Variants in TOGARAM1 observed in about 807,000 individuals in gnomAD.
The protein encoded by TOGARAM1 is TOG array regulator of axonemal microtubules 1.
In TOGARAM1, 100 loss-of-function variants were observed where a neutral mutation model predicts 166.6. The observed-to-expected ratio is 0.60, with a 90% CI of 0.51 to 0.71. TOGARAM1 has a LOEUF of 0.71. TOGARAM1 is among the 30% of genes least tolerant of loss of function. The pLI is 0.00. For synonymous variants in TOGARAM1, 758 were observed against 763.8 expected (o/e 0.99, Z 0.13); for missense variants, 2,029 against 2,102.7 (o/e 0.96, Z 0.69).
At chr14:45,003,811 G>GCATGTATGTATGTATATGTATAC (rs1555345506) in intron 3 of TOGARAM1, among the ~76,000 whole-genome samples, 12 of 151,968 alleles carry the variant, frequency 7.9e-5, no homozygotes, top group South Asian at 2.1e-4. Context: ...GTATGTAATT[G>GCATGTATGTATGTATATGTATAC]ATAAAATTAC....
chr14:45,044,826 A>C lies in TOGARAM1; in HGVS notation c.4110A>C (p.Val1370=). Residue 1370 remains valine (V), a synonymous_variant, in exon 13 of 20, where the codon GTA becomes GTC. Transcript: ENST00000361462. Reference sequence around the variant, plus strand: ...CATTGAGAGCTATGGTTAATAATGTAACTCCTGCACGTGCAGTTGTTTCTC... The same window carrying C: ...CATTGAGAGCTATGGTTAATAATGTCACTCCTGCACGTGCAGTTGTTTCTC... ...DKALRAMVNN[V]TPARAVVSLI... The C allele has an allele frequency of 6.2e-7, 1 of 1,614,042 alleles. No homozygotes were observed. The highest frequency in any genetic ancestry group is 8.5e-7 in the Non-Finnish European group (1 of 1,179,964).
intron 1 of TOGARAM1, among the ~76,000 whole-genome samples, chr14:44,969,314 G>A (rs1201545904): frequency 1.5e-4 from 22 of 151,692 alleles, no homozygotes; most frequent in Admixed American, 1.4e-3. Flanking sequence ...ATCATGCCCG[G>A]CTAATTTTTT....
intron 15 of TOGARAM1, among the ~76,000 whole-genome samples, 158 bp from the exon 16 acceptor site, chr14:45,054,273 G>A (rs1020160480): frequency 2.0e-5 from 3 of 152,050 alleles, no homozygotes; most frequent in Non-Finnish European, 2.9e-5. Flanking sequence ...TAACTACAAG[G>A]TGTTTTATGT....
intron 1 of TOGARAM1, among the ~76,000 whole-genome samples, chr14:44,980,813 T>C (rs1222719560): frequency 6.6e-6 from 1 of 152,220 alleles, no homozygotes. Flanking sequence ...TGGAGGGTTT[T>C]TGTTTGTTTC....
At chr14:45,073,088 A>G (rs200278000) in intron 19 of TOGARAM1, among the ~76,000 whole-genome samples, 1 of 152,170 alleles carries the variant, frequency 6.6e-6, no homozygotes, top group East Asian at 1.9e-4. Context: ...TGCATGAACT[A>G]ATTGTTCTAT....
chr14:44,965,658 G>T (rs1303187088), intron 1 of TOGARAM1, among the ~76,000 whole-genome samples: 2 of 152,090 alleles, frequency 1.3e-5, no homozygotes, highest in Non-Finnish European at 2.9e-5. Flanking sequence ...CCCATCACTG[G>T]TGATGCTTAA....
At chr14:44,967,066 G>A (rs1211477794) in intron 1 of TOGARAM1, among the ~76,000 whole-genome samples, 1 of 151,682 alleles carries the variant, frequency 6.6e-6, no homozygotes, top group African/African-American at 2.4e-5. Flanking sequence ...TCCTAGTACT[G>A]CCTTTTTATT....
At chr14:44,991,563 T>A (rs1419460971) in intron 1 of TOGARAM1, among the ~76,000 whole-genome samples, 1 of 152,196 alleles carries the variant, frequency 6.6e-6, no homozygotes. Flanking sequence ...TACACAAAGA[T>A]ATGTGTGTAA....
rs1325567069 is a variant in TOGARAM1 at position 44,962,458 on chromosome 14, C to T, written c.37C>T (p.Pro13Ser). 1 of 1,588,018 alleles carries T rather than the reference C, an allele frequency of 6.3e-7. No individual in the cohort carries two copies. Among genetic ancestry groups the T allele is most frequent in the African/African-American group, 1.3e-5 (1 of 74,308 alleles). Reference protein sequence around the residue: ...AAPSALLLLPPFPVLSTYRLQ... With the variant: ...AAPSALLLLPSFPVLSTYRLQ... ...CCCCTCCGCGCTGCTTCTGCTGCCG[C>T]CCTTTCCAGTCCTCTCTACCTATCG... The change falls in exon 1 of 20, where the codon CCC becomes TCC. Residue 13 changes from proline (P) to serine (S), a missense_variant. Pro to Ser is a moderately conservative substitution (Grantham distance 74, BLOSUM62 -1). Around this residue, in one of 2 missense-constraint regions of TOGARAM1, gnomAD observed 1,453 missense variants for 1,432.2 expected, o/e 1.01. Transcript: ENST00000361462.
At position 45,073,446 on chromosome 14, in the gene TOGARAM1, A is replaced by C; in HGVS notation, c.5207A>C (p.Lys1736Thr). ...NIRTATAKLS[K>T]ALFAQMGQNL... ...CGAACAGCCACAGCTAAATTATCAAAAGCACTCTTTGCACAGATGGGTCAG... is the reference window on the plus strand; with the variant it reads ...CGAACAGCCACAGCTAAATTATCAACAGCACTCTTTGCACAGATGGGTCAG... Residue 1736 changes from lysine (K) to threonine (T), a missense_variant, in exon 20 of 20, where the codon AAA becomes ACA. Around this residue, in one of 2 missense-constraint regions of TOGARAM1, gnomAD observed 576 missense variants for 670.5 expected, o/e 0.86. Transcript: ENST00000361462. 2 of 1,614,156 alleles carry C rather than the reference A, an allele frequency of 1.2e-6. No individual in the cohort carries two copies. The highest frequency in any genetic ancestry group is 1.7e-6 in the Non-Finnish European group (2 of 1,180,028).
At chr14:45,005,674 T>C (rs1254641315) in intron 4 of TOGARAM1, among the ~76,000 whole-genome samples, 1 of 152,166 alleles carries the variant, frequency 6.6e-6, no homozygotes, top group Non-Finnish European at 1.5e-5. Context: ...GCGTCCCTCA[T>C]GATTTTCTTT....
In TOGARAM1 at chr14:45,021,295, C is replaced by A. The variant is rs184144873; in HGVS notation, c.3239-4488C>A. On this transcript the variant is annotated intron_variant, in intron 7 of 19. Transcript: ENST00000361462. ...TGGCAGAGTTACAGCAGTTGCGGGG[C>A]ATATGGGTATGGGGCAGTGAAGGTG... Among the ~76,000 whole-genome samples the A allele has an allele frequency of 1.2e-3, 176 of 151,898 alleles. 1 individual carries two copies. Among genetic ancestry groups the A allele is most frequent in the African/African-American group, 4.1e-3 (168 of 41,380 alleles).
intron 2 of TOGARAM1, among the ~76,000 whole-genome samples, chr14:44,998,742 G>T (rs1462628006): frequency 1.3e-5 from 2 of 152,094 alleles, no homozygotes; most frequent in Non-Finnish European, 2.9e-5. Context: ...AACTACAAAG[G>T]ATGGGCTCAT....
chr14:45,068,770 A>C (rs1226752345), intron 18 of TOGARAM1, 127 bp downstream of exon 18: 1 of 609,724 alleles, frequency 1.6e-6, no homozygotes, highest in African/African-American at 1.9e-5. Context: ...TATTATCATA[A>C]AACTTTCTAT....
At chr14:45,066,868 G>A in intron 17 of TOGARAM1, 101 bp downstream of exon 17, 2 of 950,398 alleles carry the variant, frequency 2.1e-6, no homozygotes, top group Non-Finnish European at 3.0e-6. Context: ...TTGAGGCTAG[G>A]AGTTCAAAGT....
rs748240401 is a variant in TOGARAM1 at position 45,073,311 on chromosome 14, T to G, written c.5072T>G (p.Leu1691Arg). The G allele has an allele frequency of 1.9e-6, 3 of 1,612,552 alleles. No homozygotes were observed. The South Asian group carries it at 3.3e-5, about 18-fold the overall frequency. Reference sequence around the variant, plus strand: ...TATGTTTCAGATATTGTTACGGAACTTTATCAAAGGAAGCCGCATGCCACA... The same window carrying G: ...TATGTTTCAGATATTGTTACGGAACGTTATCAAAGGAAGCCGCATGCCACA... ...TEKLADIVTE[L>R]YQRKPHATEQ... Residue 1691 changes from leucine (L) to arginine (R), a missense_variant, in exon 20 of 20, where the codon CTT (leucine) becomes CGT (arginine). Leu to Arg is a moderately radical substitution (Grantham distance 102, BLOSUM62 -2). This residue lies in a region of TOGARAM1 where 576 missense variants were observed against 670.5 expected (regional missense o/e 0.86). Transcript: ENST00000361462.
At position 45,066,567 on chromosome 14, in the gene TOGARAM1, T is replaced by G; in HGVS notation, c.4560-11T>G. 1 of 1,577,248 alleles carries G rather than the reference T, an allele frequency of 6.3e-7. No individual in the cohort carries two copies. The highest frequency in any genetic ancestry group is 1.4e-5 in the African/African-American group (1 of 73,742). On this transcript the variant is annotated splice_polypyrimidine_tract_variant and intron_variant, in intron 16 of 19. Transcript: ENST00000361462. ...ACAAATGAAATTACCTTCACCTTTCTTTCACTTTAGAGCTGTAACTGAAGT... is the reference window on the plus strand; with the variant it reads ...ACAAATGAAATTACCTTCACCTTTCGTTCACTTTAGAGCTGTAACTGAAGT...
chr14:44,964,184 AATATGCAGTACTGATGCC>A lies in TOGARAM1; in HGVS notation c.1766_1783del (p.Tyr589_Pro594del). 1 of 1,614,220 alleles carries A rather than the reference AATATGCAGTACTGATGCC, an allele frequency of 6.2e-7. No homozygotes were observed. The highest frequency in any genetic ancestry group is 8.5e-7 in the Non-Finnish European group (1 of 1,180,042). On this transcript the variant is annotated inframe_deletion, in exon 1 of 20. Coordinates refer to ENST00000361462, the MANE Select transcript of TOGARAM1 (RefSeq NM_001308120.2). ...AGGCTCACAGAGCAGGGATTTGTGG[AATATGCAGTACTGATGCC>A]ATCTTCTGCCGGGGGTAGGTCAAAC...
At chr14:44,978,970 T>C (rs1276756127) in intron 1 of TOGARAM1, among the ~76,000 whole-genome samples, 2 of 148,048 alleles carry the variant, frequency 1.4e-5, no homozygotes, top group Non-Finnish European at 3.0e-5. Context: ...CCCATCTCTC[T>C]CTCTTTTTTT....
Sources: allele counts gnomAD v4.1 joint callset (sites outside exome capture counted in the v4.1 genomes callset), GRCh38; gene constraint gnomAD v4.1.1; regional missense constraint gnomAD v4.1.1; transcripts MANE v1.5; gene names NCBI Gene and HGNC (gene_info 2026-07-23, HGNC 2026-07-21).